Variants in MACROD2 observed in about 807,000 individuals in gnomAD.
The protein encoded by MACROD2 is ADP-ribose glycohydrolase MACROD2.
Under a neutral mutation model 70.4 loss-of-function variants are expected in MACROD2, and 36 were observed. The ratio of observed to expected loss-of-function variants is 0.51; its 90% CI spans 0.39 to 0.68. The LOEUF (loss-of-function observed/expected upper bound fraction) is 0.68. MACROD2 is among the 30% of genes least tolerant of loss of function. The pLI is 0.00. For missense variants in MACROD2, 496 were observed against 538.4 expected, an observed-to-expected ratio of 0.92 and a Z score of 0.78; for synonymous variants, 172 against 178.8, an observed-to-expected ratio of 0.96 and a Z score of 0.30.
At chr20:14,282,880 C>G (rs1041924642) in intron 3 of MACROD2, among the ~76,000 whole-genome samples, 13 of 152,196 alleles carry the variant, frequency 8.5e-5, no homozygotes, top group Non-Finnish European at 1.5e-4. Flanking sequence ...CAAACACTTC[C>G]CACTAGGCCC....
chr20:15,673,680 T>C (rs573091038), intron 8 of MACROD2, among the ~76,000 whole-genome samples: 23 of 152,300 alleles, frequency 1.5e-4, no homozygotes, highest in African/African-American at 5.1e-4. Context: ...TTTGAAGTAC[T>C]TCAGCATATT....
intron 7 of MACROD2, among the ~76,000 whole-genome samples, chr20:15,489,178 A>C (rs898644066): frequency 3.3e-5 from 5 of 152,210 alleles, no homozygotes; most frequent in African/African-American, 1.2e-4. Context: ...AATATAGTAG[A>C]ATTTATGGAG....
chr20:14,936,812 G>C (rs192110283), intron 5 of MACROD2, among the ~76,000 whole-genome samples: 43 of 152,258 alleles, frequency 2.8e-4, no homozygotes, highest in African/African-American at 1.0e-3. Flanking sequence ...AGGAGGCAAT[G>C]AAAAAGCATG....
chr20:15,013,291 G>A (rs2075097121), intron 5 of MACROD2, among the ~76,000 whole-genome samples: 1 of 152,102 alleles, frequency 6.6e-6, no homozygotes. Flanking sequence ...CTTTCTACTT[G>A]AGAGGAGAAT....
intron 6 of MACROD2, among the ~76,000 whole-genome samples, chr20:15,349,499 G>GT (rs1157577909): frequency 1.3e-5 from 2 of 152,126 alleles, no homozygotes; most frequent in East Asian, 3.9e-4. Context: ...GCTCACGCCT[G>GT]TAATCCCAGG....
chr20:15,866,132 A>C (rs1390219034), intron 9 of MACROD2, among the ~76,000 whole-genome samples: 1 of 152,192 alleles, frequency 6.6e-6, no homozygotes, highest in Non-Finnish European at 1.5e-5. Flanking sequence ...GAGGCTGGCC[A>C]GGCACAGTGG....
At chr20:15,416,557 A>G (rs2046152155) in intron 6 of MACROD2, among the ~76,000 whole-genome samples, 1 of 152,194 alleles carries the variant, frequency 6.6e-6, no homozygotes, top group African/African-American at 2.4e-5. Flanking sequence ...ATCTCACCTG[A>G]CTTTCATAAA....
At chr20:14,887,555 G>T (rs556407031) in intron 5 of MACROD2, among the ~76,000 whole-genome samples, 9 of 151,782 alleles carry the variant, frequency 5.9e-5, no homozygotes, top group Non-Finnish European at 1.2e-4. Context: ...GCTAATTCTT[G>T]TATTTTATTT....
intron 4 of MACROD2, among the ~76,000 whole-genome samples, chr20:14,576,272 A>G (rs1221295304): frequency 6.6e-6 from 1 of 152,172 alleles, no homozygotes; most frequent in African/African-American, 2.4e-5. Context: ...ATGTGATTTG[A>G]TGGCCAGTAG....
At chr20:15,286,502 T>A (rs368419579) in intron 6 of MACROD2, among the ~76,000 whole-genome samples, 19,297 of 151,976 alleles carry the variant, frequency 0.13, 1,297 homozygotes, top group Middle Eastern at 0.21. Flanking sequence ...CTTGGGGAAC[T>A]TACATTCTCA....
Position 15,461,006 on chromosome 20 carries a change from A to ATATATATATTTTTTTT in MACROD2, c.571+29572_571+29573insATATATATTTTTTTTT. 1.6e-3 allele frequency among the ~76,000 whole-genome samples: 109 copies of ATATATATATTTTTTTT among 66,962 alleles called. 2 individuals carry two copies. Among genetic ancestry groups the ATATATATATTTTTTTT allele is most frequent in the South Asian group, 2.0e-3 (3 of 1,466 alleles). The allele number at this position is 66,962 out of a possible 152,430, so 43.9% of individuals were successfully genotyped here. On this transcript the variant is annotated intron_variant, in intron 7 of 17. Transcript: ENST00000684519. Reference sequence around the variant, plus strand: ...TATATATATATATATATATATATATATTTTTTTTTAATAGATGGGGTCTTG... The same window carrying ATATATATATTTTTTTT: ...TATATATATATATATATATATATATATATATATATTTTTTTTTTTTTTTTTAATAGATGGGGTCTTG...
At chr20:14,746,139 A>G (rs959873187) in intron 5 of MACROD2, among the ~76,000 whole-genome samples, 10 of 152,250 alleles carry the variant, frequency 6.6e-5, no homozygotes, top group African/African-American at 2.4e-4. Flanking sequence ...GGAAAGAATG[A>G]CAATGTTTCC....
intron 4 of MACROD2, among the ~76,000 whole-genome samples, chr20:14,500,723 A>C (rs936637280): frequency 6.6e-6 from 1 of 152,132 alleles, no homozygotes; most frequent in African/African-American, 2.4e-5. Flanking sequence ...GTTATTCATC[A>C]TGTTTACTAC....
At chr20:15,832,313 G>A (rs1199825029) in intron 8 of MACROD2, among the ~76,000 whole-genome samples, 1 of 152,170 alleles carries the variant, frequency 6.6e-6, no homozygotes, top group Non-Finnish European at 1.5e-5. Flanking sequence ...GGGATACTGT[G>A]ATATGCTGCC....
chr20:14,958,943 C>A (rs1417924449), intron 5 of MACROD2, among the ~76,000 whole-genome samples: 1 of 152,100 alleles, frequency 6.6e-6, no homozygotes, highest in East Asian at 1.9e-4. Flanking sequence ...CAAAATGTTT[C>A]TTTTCTTCAT....
chr20:14,860,965 A>C (rs2073309486), intron 5 of MACROD2, among the ~76,000 whole-genome samples: 1 of 152,142 alleles, frequency 6.6e-6, no homozygotes, highest in African/African-American at 2.4e-5. Flanking sequence ...ACTTTAAAAA[A>C]AAAAAATTGC....
chr20:14,819,212 G>A (rs1468039527), intron 5 of MACROD2, among the ~76,000 whole-genome samples: 2 of 151,762 alleles, frequency 1.3e-5, no homozygotes, highest in African/African-American at 4.8e-5. Context: ...GTTGTAGTGA[G>A]CCAAGATCAC....
chr20:14,821,543 G>A (rs1361601766), intron 5 of MACROD2, among the ~76,000 whole-genome samples: 1 of 152,052 alleles, frequency 6.6e-6, no homozygotes, highest in Non-Finnish European at 1.5e-5. Flanking sequence ...TCAAGGCTGA[G>A]AACACTCGCT....
At chr20:14,961,769 T>A (rs1254076919) in intron 5 of MACROD2, among the ~76,000 whole-genome samples, 1 of 152,164 alleles carries the variant, frequency 6.6e-6, no homozygotes, top group Non-Finnish European at 1.5e-5. Flanking sequence ...ATTTTGAAAA[T>A]ATTTTATTTT....
Sources: allele counts gnomAD v4.1 joint callset (sites outside exome capture counted in the v4.1 genomes callset), GRCh38; gene constraint gnomAD v4.1.1; transcripts MANE v1.5; gene names NCBI Gene and HGNC (gene_info 2026-07-23, HGNC 2026-07-21).